The following LRRC61 variants were observed in gnomAD, a reference collection of about 807,000 sequenced individuals.
LRRC61 encodes leucine rich repeat containing 61, also known as leucine-rich repeat-containing protein 61.
In LRRC61, 9 loss-of-function variants were observed where a neutral mutation model predicts 15.1. The observed-to-expected ratio is 0.60, with a 90% CI of 0.36 to 1.04. The LOEUF is 1.04. Among genes scored for constraint, LRRC61 ranks in the 50% least tolerant of loss-of-function variants. The pLI is 0.01. For synonymous variants in LRRC61, 173 were observed against 158.6 expected (o/e 1.09, Z -0.68); for missense variants, 344 against 335.6 (o/e 1.03, Z -0.20).
At position 150,335,460 on chromosome 7, in the gene LRRC61, G is replaced by A. The variant is rs2129618429; in HGVS notation, c.-144-1258G>A. 6.6e-6 allele frequency among the ~76,000 whole-genome samples: 1 copy of A among 152,342 alleles called. No homozygotes were observed. Among genetic ancestry groups the A allele is most frequent in the South Asian group, 2.1e-4 (1 of 4,826 alleles). On this transcript the variant is annotated intron_variant, in intron 2 of 2. Transcript: ENST00000359623. This position sits in a 1 kb window ranked among gnomAD's most constrained non-coding sequence, Gnocchi z 4.3. The stretch of plus-strand genomic sequence containing the variant: ...GCACAAGGACTCCCCTTTCCAGATG[G>A]GGTGTAGAGGACATAAGGATGGCAA...
At chr7:150,310,966 G>A in the LRRC61 span, among the ~76,000 whole-genome samples, 1 of 151,954 alleles carries the variant, frequency 6.6e-6, no homozygotes, top group Non-Finnish European at 1.5e-5. Context: ...CAACATACAT[G>A]CGCTCTTCCT....
chr7:150,309,516 C>T, the LRRC61 span, among the ~76,000 whole-genome samples: 5 of 152,222 alleles, frequency 3.3e-5, no homozygotes, highest in African/African-American at 1.2e-4. Context: ...CAACTGCTTG[C>T]GCCTGCTGTA....
chr7:150,315,771 C>T, the LRRC61 span, among the ~76,000 whole-genome samples: 1 of 151,980 alleles, frequency 6.6e-6, no homozygotes, highest in South Asian at 2.1e-4. Flanking sequence ...TATATTCATA[C>T]ATGTGTGTAT....
At chr7:150,319,760 G>T (rs1797307689), upstream of LRRC61, among the ~76,000 whole-genome samples, 2 of 152,292 alleles carry the variant, frequency 1.3e-5, no homozygotes, top group South Asian at 4.1e-4. Context: ...CCTGACCCGA[G>T]ACAGAGTTAG....
intron 2 of LRRC61, chr7:150,334,057 T>C: frequency 2.0e-5 from 20 of 985,420 alleles, no homozygotes; most frequent in Non-Finnish European, 2.3e-5. Context: ...GGGGTCTTTC[T>C]GCTCCGTTTC....
At chr7:150,311,694 A>G in the LRRC61 span, among the ~76,000 whole-genome samples, 2 of 152,002 alleles carry the variant, frequency 1.3e-5, no homozygotes, top group Non-Finnish European at 2.9e-5. Flanking sequence ...CCCAGACCAC[A>G]CTTAGTTTAT....
chr7:150,331,924 C>T (rs1052254957), intron 2 of LRRC61: 2 of 167,120 alleles, frequency 1.2e-5, no homozygotes, highest in Non-Finnish European at 2.9e-5. Context: ...GCCGGAGAAA[C>T]CGACTGAAGG....
chr7:150,314,217 C>A, the LRRC61 span, among the ~76,000 whole-genome samples: 1 of 152,204 alleles, frequency 6.6e-6, no homozygotes, highest in Non-Finnish European at 1.5e-5. Context: ...GATCTGGGAT[C>A]AGTGACTTTA....
At chr7:150,326,128 C>T (rs1797957902) in intron 2 of LRRC61, 118 bp downstream of exon 2, 1 of 152,390 alleles carries the variant, frequency 6.6e-6, no homozygotes, top group East Asian at 1.9e-4. Context: ...CCATACCCCA[C>T]TTTCCCCCTG....
intron 2 of LRRC61, among the ~76,000 whole-genome samples, chr7:150,329,352 G>A (rs73474331): frequency 0.022 from 3,301 of 152,340 alleles, 136 homozygotes; most frequent in African/African-American, 0.075. Context: ...ACGTATCGGT[G>A]ACACAGCTAG....
the LRRC61 span, among the ~76,000 whole-genome samples, chr7:150,316,407 C>T: frequency 6.6e-6 from 1 of 152,132 alleles, no homozygotes; most frequent in African/African-American, 2.4e-5. Flanking sequence ...TACCAACCCC[C>T]AGCCACTACT....
Position 150,337,221 on chromosome 7 carries a change from G to A in LRRC61, c.360G>A (p.Gly120=). The change falls in exon 3 of 3, where the codon GGG becomes GGA. Residue 120 remains glycine (G), a synonymous_variant. Coordinates refer to ENST00000359623, the MANE Select transcript of LRRC61 (RefSeq NM_001142928.2). ...ATPGQLQCLA[G]LPCLEYLRLR... is the part of the protein sequence containing the mutation. ...CGGGCCAGCTGCAGTGTCTGGCTGG[G>A]CTACCGTGCCTGGAGTACCTGCGGC... The A allele has an allele frequency of 6.2e-7, 1 of 1,605,120 alleles. No homozygotes were observed. The highest frequency in any genetic ancestry group is 8.5e-7 in the Non-Finnish European group (1 of 1,179,890).
In LRRC61 at chr7:150,337,628, C is replaced by T. The variant is rs148701145; in HGVS notation, c.767C>T (p.Ser256Phe). The T allele has an allele frequency of 4.9e-5, 75 of 1,524,826 alleles. No homozygotes were observed. The highest frequency in any genetic ancestry group is 6.3e-5 in the Non-Finnish European group (72 of 1,138,514). 94.5% of individuals were successfully genotyped at this position (1,524,826 alleles called of 1,614,324 possible). A position where few individuals can be genotyped will look rare whatever the true frequency, so the allele number is the denominator to read the frequency against. Residue 256 changes from serine to phenylalanine, a missense_variant, in exon 3 of 3, where the codon TCC becomes TTC. By Grantham distance (155) the Ser-to-Phe change is radical. Coordinates refer to ENST00000359623, the MANE Select transcript of LRRC61 (RefSeq NM_001142928.2). ...QVLSSAGPTS[S>F]FVF is the part of the protein sequence containing the mutation. ...CTCAGCTCTGCGGGCCCCACCTCTT[C>T]CTTCGTCTTCTGAACGTGGCCTATG...
chr7:150,311,632 T>C, the LRRC61 span, among the ~76,000 whole-genome samples: 1 of 152,196 alleles, frequency 6.6e-6, no homozygotes, highest in Non-Finnish European at 1.5e-5. Flanking sequence ...ATCTCCCTAA[T>C]ACACATAGCA....
rs770853622 is a variant in LRRC61 at position 150,330,466 on chromosome 7, G to A, written c.-145+4456G>A. 9 of 779,078 alleles carry A rather than the reference G, an allele frequency of 1.2e-5. No individual in the cohort carries two copies. Among genetic ancestry groups the A allele is most frequent in the South Asian group, 5.4e-5 (4 of 74,618 alleles). 48.3% of individuals were successfully genotyped at this position (779,078 alleles called of 1,614,324 possible). On this transcript the variant is annotated intron_variant, in intron 2 of 2. Coordinates refer to ENST00000359623, the MANE Select transcript of LRRC61 (RefSeq NM_001142928.2). The surrounding 1 kb of genome is among the most constrained non-coding windows in gnomAD (Gnocchi z 4.6). Reference sequence around the variant, plus strand: ...CTGAGCCAGGTGCTGCCCCAGCTGCGCTACCTGCACATCTTCCTGGAGCAG... The same window carrying A: ...CTGAGCCAGGTGCTGCCCCAGCTGCACTACCTGCACATCTTCCTGGAGCAG...
chr7:150,324,130 C>T (rs891088836), intron 1 of LRRC61, among the ~76,000 whole-genome samples: 2 of 152,212 alleles, frequency 1.3e-5, no homozygotes, highest in South Asian at 2.1e-4. Context: ...CTCCTCCTAT[C>T]CCTTTCTCTC....
the LRRC61 span, among the ~76,000 whole-genome samples, chr7:150,317,394 C>T: frequency 5.4e-3 from 823 of 152,188 alleles, 8 homozygotes; most frequent in African/African-American, 0.019. Flanking sequence ...GCATAGATGG[C>T]GGCTTTTGAT....
intron 2 of LRRC61, among the ~76,000 whole-genome samples, chr7:150,326,639 T>C (rs1797969263): frequency 6.8e-6 from 1 of 148,088 alleles, no homozygotes; most frequent in African/African-American, 2.5e-5. Context: ...AGGTAGATCA[T>C]GCCACTGTAC....
At chr7:150,316,483 ATTT>A in the LRRC61 span, among the ~76,000 whole-genome samples, 399 of 80,526 alleles carry the variant, frequency 5.0e-3, 3 homozygotes, top group Admixed American at 0.011. Flanking sequence ...GAATCTGGTT[ATTT>A]TTTTTTTTTT....
Sources: gnomAD v4.1 joint callset for allele counts (sites outside exome capture counted in the v4.1 genomes callset) on GRCh38, gnomAD v4.1.1 for gene constraint, Gnocchi (gnomAD v3.1) non-coding constraint, MANE v1.5 for transcripts, NCBI Gene and HGNC (gene_info 2026-07-23, HGNC 2026-07-21) for gene names.